WDPCP: variants seen among roughly 807,000 people sequenced by gnomAD.
WDPCP encodes WD repeat containing planar cell polarity effector, also known as WD repeat-containing and planar cell polarity effector protein fritz homolog.
A neutral mutation model predicts 93.1 loss-of-function variants in WDPCP; 71 were observed. The observed-to-expected ratio is 0.76, with a 90% CI of 0.63 to 0.93. The LOEUF (loss-of-function observed/expected upper bound fraction) is 0.93. Among genes scored for constraint, WDPCP ranks in the 40% least tolerant of loss-of-function variants. WDPCP has a pLI of 0.00. For missense variants in WDPCP, 844 were observed against 887.4 expected (o/e 0.95, Z 0.62); for synonymous variants, 315 against 315.0 (o/e 1.00, Z 0.00).
At chr2:63,788,041 A>G (rs147280613) in intron 2 of WDPCP, among the ~76,000 whole-genome samples, 2,418 of 152,252 alleles carry the variant, frequency 0.016, 26 homozygotes, top group Non-Finnish European at 0.026. Context: ...ACTCTGTCTC[A>G]AAAAATAAAA....
At chr2:63,501,329 C>T (rs1476851974) in intron 1 of WDPCP, among the ~76,000 whole-genome samples, 4 of 152,042 alleles carry the variant, frequency 2.6e-5, no homozygotes, top group East Asian at 3.9e-4. Context: ...TTTAGGAGGC[C>T]GAGGTAGAAG....
chr2:63,477,996 T>C (rs1190310136), intron 6 of WDPCP: 3 of 152,120 alleles, frequency 2.0e-5, no homozygotes, highest in Non-Finnish European at 4.4e-5. Context: ...CTCAACTTTG[T>C]AACAATTTCA....
At chr2:63,753,639 T>C (rs1438550634) in intron 2 of WDPCP, among the ~76,000 whole-genome samples, 2 of 152,050 alleles carry the variant, frequency 1.3e-5, no homozygotes, top group African/African-American at 2.4e-5. Context: ...TGGGAGGTGC[T>C]ACACACTTTT....
chr2:63,550,058 C>A (rs930805737), intron 1 of WDPCP, among the ~76,000 whole-genome samples: 2 of 80,334 alleles, frequency 2.5e-5, no homozygotes, highest in Non-Finnish European at 4.6e-5. Flanking sequence ...TCAACCAATG[C>A]TTTCTCTCTC....
intron 9 of WDPCP, among the ~76,000 whole-genome samples, chr2:63,430,329 A>G (rs533919377): frequency 7.2e-5 from 11 of 152,202 alleles, no homozygotes; most frequent in Non-Finnish European, 1.0e-4. Context: ...GCAACCTGCA[A>G]TATACCTTTG....
intron 3 of WDPCP, among the ~76,000 whole-genome samples, chr2:63,604,138 G>A (rs1318510737): frequency 6.6e-6 from 1 of 152,084 alleles, no homozygotes; most frequent in Non-Finnish European, 1.5e-5. Flanking sequence ...CTTTCCTTCA[G>A]TTTCCTGATA....
intron 6 of WDPCP, among the ~76,000 whole-genome samples, chr2:63,454,929 T>C (rs1698520619): frequency 6.6e-6 from 1 of 152,048 alleles, no homozygotes. Context: ...AAGAAAAATA[T>C]AACCACCCAA....
In WDPCP at chr2:63,461,661, C is replaced by A. The variant is rs1292767335; in HGVS notation, c.385-21790G>T. On this transcript the variant is annotated intron_variant, in intron 6 of 17. Coordinates refer to ENST00000272321, the MANE Select transcript of WDPCP (RefSeq NM_015910.7). ...AATTTAAAATGCAGGTAGATTGGGA[C>A]CAGTTTTGTTGATGTTATAATTTTT... Among the ~76,000 whole-genome samples, 5 of 152,196 alleles carry A rather than the reference C, an allele frequency of 3.3e-5. No homozygotes were observed. The East Asian group carries it at 7.7e-4, about 23-fold the overall frequency.
intron 3 of WDPCP, among the ~76,000 whole-genome samples, chr2:63,612,923 C>A (rs892199029): frequency 2.7e-5 from 4 of 149,598 alleles, no homozygotes; most frequent in Non-Finnish European, 4.4e-5. Context: ...CTTTTCCTTT[C>A]TTTCTTTCTT....
At chr2:63,672,712 C>CTTTATTTTA (rs1710360183) in intron 2 of WDPCP, among the ~76,000 whole-genome samples, 1 of 113,152 alleles carries the variant, frequency 8.8e-6, no homozygotes, top group Non-Finnish European at 1.8e-5. Flanking sequence ...TCACTGAAGC[C>CTTTATTTTA]TTTATTTTAT....
At chr2:63,707,562 A>G (rs1048853717) in intron 2 of WDPCP, among the ~76,000 whole-genome samples, 1 of 151,996 alleles carries the variant, frequency 6.6e-6, no homozygotes, top group Non-Finnish European at 1.5e-5. Flanking sequence ...CTTCTTTGCC[A>G]TTGGTTCGAA....
At chr2:63,450,862 A>T (rs900989945) in intron 6 of WDPCP, among the ~76,000 whole-genome samples, 9 of 145,088 alleles carry the variant, frequency 6.2e-5, no homozygotes, top group Non-Finnish European at 1.1e-4. Context: ...CCCTACAAAA[A>T]CAAATTCAAA....
intron 2 of WDPCP, among the ~76,000 whole-genome samples, chr2:63,724,069 G>A (rs185296888): frequency 2.3e-4 from 35 of 152,222 alleles, no homozygotes; most frequent in Admixed American, 6.5e-4. Context: ...TGCCCAATTT[G>A]AGCAGTTTCT....
chr2:63,236,575 C>T (rs765820605), intron 14 of WDPCP, among the ~76,000 whole-genome samples: 13 of 152,226 alleles, frequency 8.5e-5, no homozygotes, highest in Admixed American at 1.3e-4. Flanking sequence ...TGACTTCAAA[C>T]GACATTACAA....
At position 63,144,334 on chromosome 2, in the gene WDPCP, GCAGTGGCACGGCT is replaced by G. The variant is rs763476579; in HGVS notation, c.2190+8567_2190+8579del. 6.6e-4 allele frequency among the ~76,000 whole-genome samples: 100 copies of G among 152,208 alleles called. 2 individuals carry two copies. The highest frequency in any genetic ancestry group is 2.4e-3 in the Admixed American group (36 of 15,300). On this transcript the variant is annotated intron_variant, in intron 17 of 17. Transcript: ENST00000272321. Reference sequence around the variant, plus strand: ...CTCGCCCTGTCACCCAGGCTGGAGTGCAGTGGCACGGCTCAATGGCTCAATGCAACCTCCACCT... The same window carrying G: ...CTCGCCCTGTCACCCAGGCTGGAGTGCAATGGCTCAATGCAACCTCCACCT...
chr2:63,148,534 A>T (rs1271352892), intron 17 of WDPCP, among the ~76,000 whole-genome samples: 1 of 151,556 alleles, frequency 6.6e-6, no homozygotes, highest in Non-Finnish European at 1.5e-5. Context: ...TTTTTGTTTT[A>T]GTAGAGACAG....
chr2:63,448,466 A>ACACACACG (rs1237239877), intron 6 of WDPCP, among the ~76,000 whole-genome samples: 28 of 128,806 alleles, frequency 2.2e-4, no homozygotes, highest in African/African-American at 8.3e-4. Flanking sequence ...ACACACACAC[A>ACACACACG]CACCCTTAAT....
At chr2:63,528,622 G>C (rs1219640561) in intron 1 of WDPCP, among the ~76,000 whole-genome samples, 1 of 152,212 alleles carries the variant, frequency 6.6e-6, no homozygotes, top group African/African-American at 2.4e-5. Context: ...CTGTGGACTT[G>C]TAGTATAGTT....
intron 14 of WDPCP, among the ~76,000 whole-genome samples, chr2:63,258,295 A>G (rs1681307485): frequency 6.6e-6 from 1 of 152,016 alleles, no homozygotes; most frequent in Admixed American, 6.6e-5. Context: ...TCAATCTGGA[A>G]CTCTTTCAGG....
Sources: gnomAD v4.1 joint callset for allele counts (sites outside exome capture counted in the v4.1 genomes callset) on GRCh38, gnomAD v4.1.1 for gene constraint, MANE v1.5 for transcripts, NCBI Gene and HGNC (gene_info 2026-07-23, HGNC 2026-07-21) for gene names.